The following SLC25A33 variants were observed in gnomAD, a reference collection of about 807,000 sequenced individuals.
SLC25A33 encodes solute carrier family 25 member 33, also known as bone marrow stromal cell mitochondrial carrier protein.
In SLC25A33, 15 loss-of-function variants were observed where a neutral mutation model predicts 35.5. That is an observed-to-expected ratio of 0.42 (90% confidence interval 0.28 to 0.65). The LOEUF (loss-of-function observed/expected upper bound fraction) is 0.65. SLC25A33 is among the 30% of genes least tolerant of loss of function. The probability of loss-of-function intolerance (pLI) is 0.20; values close to 1 mark genes in which losing one functional copy is unlikely to be tolerated. For synonymous variants in SLC25A33, 136 were observed against 148.7 expected (o/e 0.91, Z 0.62); for missense variants, 257 against 398.5 (o/e 0.64, Z 3.02).
intron 1 of SLC25A33, among the ~76,000 whole-genome samples, chr1:9,552,451 C>T (rs963440972): frequency 3.3e-5 from 5 of 151,910 alleles, no homozygotes; most frequent in African/African-American, 9.7e-5. Context: ...AGGCTGGTCT[C>T]GAACTCCTGG....
chr1:9,560,939 T>G (rs1643414876), intron 2 of SLC25A33, among the ~76,000 whole-genome samples: 2 of 151,758 alleles, frequency 1.3e-5, no homozygotes, highest in Non-Finnish European at 2.9e-5. Context: ...TTTAAACTGC[T>G]GAGACACATT....
chr1:9,565,947 A>ATAC (rs1643496664), intron 2 of SLC25A33, among the ~76,000 whole-genome samples: 1 of 152,014 alleles, frequency 6.6e-6, no homozygotes, highest in African/African-American at 2.4e-5. Context: ...TGGACTTGAG[A>ATAC]TACTAGGCTT....
intron 2 of SLC25A33, among the ~76,000 whole-genome samples, chr1:9,558,820 T>A (rs954369541): frequency 1.3e-5 from 2 of 152,218 alleles, no homozygotes; most frequent in African/African-American, 4.8e-5. Context: ...CTTGCTGCCC[T>A]CTACCCTCAG....
intron 5 of SLC25A33, among the ~76,000 whole-genome samples, chr1:9,574,649 G>A (rs1215744535): frequency 6.6e-6 from 1 of 152,158 alleles, no homozygotes; most frequent in Non-Finnish European, 1.5e-5. Flanking sequence ...CAAGCTAATG[G>A]AACCCGGTGT....
chr1:9,564,765 T>TATATACAC lies in SLC25A33; in HGVS notation c.237-2518_237-2517insTATACACA, dbSNP rs59741987. Among the ~76,000 whole-genome samples, 958 of 114,676 alleles carry TATATACAC rather than the reference T, an allele frequency of 8.4e-3. 14 individuals are homozygous for TATATACAC. Among genetic ancestry groups the TATATACAC allele is most frequent in the African/African-American group, 0.028 (902 of 32,124 alleles). 75.2% of individuals were successfully genotyped at this position (114,676 alleles called of 152,430 possible). A position where few individuals can be genotyped will look rare whatever the true frequency, so the allele number is the denominator to read the frequency against. ...ATATATATATATATATATATATATATACACAAAAATTAGCTGAGCGTGGTG... is the reference window on the plus strand; with the variant it reads ...ATATATATATATATATATATATATATATATACACACACAAAAATTAGCTGAGCGTGGTG... On this transcript the variant is annotated intron_variant, in intron 2 of 6. Transcript: ENST00000302692.
intron 1 of SLC25A33, among the ~76,000 whole-genome samples, chr1:9,547,496 G>C (rs917906528): frequency 1.3e-5 from 2 of 152,094 alleles, no homozygotes; most frequent in East Asian, 3.9e-4. Context: ...GACAGAGGAA[G>C]AGAGGGATGG....
intron 5 of SLC25A33, chr1:9,576,423 G>T: frequency 1.0e-4 from 38 of 369,820 alleles, no homozygotes; most frequent in Admixed American, 2.7e-4. Flanking sequence ...TGTCTACTGT[G>T]AAAATGAAGA....
In SLC25A33 at chr1:9,553,602, G is replaced by C. The variant is rs778560523; in HGVS notation, c.57-24G>C. 3.1e-6 allele frequency: 5 copies of C among 1,611,836 alleles called. No individual in the cohort carries two copies. The African/African-American group carries it at 5.3e-5, about 17-fold the overall frequency. On this transcript the variant is annotated intron_variant, in intron 1 of 6. Transcript: ENST00000302692. Reference sequence around the variant, plus strand: ...GTGTAGGGAATAGTATAGCTTCTCTGATCTGCTTTGGTTTCCCTTACAGGT... The same window carrying C: ...GTGTAGGGAATAGTATAGCTTCTCTCATCTGCTTTGGTTTCCCTTACAGGT...
At chr1:9,576,889 C>T (rs1476044592) in intron 5 of SLC25A33, 5 of 1,292,868 alleles carry the variant, frequency 3.9e-6, no homozygotes, top group Admixed American at 1.7e-5. Flanking sequence ...ATTCAGTTGC[C>T]TTGATTCAGC....
At chr1:9,566,618 G>A (rs890331678) in intron 2 of SLC25A33, among the ~76,000 whole-genome samples, 2 of 151,854 alleles carry the variant, frequency 1.3e-5, no homozygotes, top group East Asian at 1.9e-4. Flanking sequence ...AGGCTGAGGC[G>A]GGCAGATCAC....
chr1:9,556,886 C>A lies in SLC25A33; in HGVS notation c.236+3081C>A, dbSNP rs1643352107. ...CCGGCTTCATTGGTTAATACAGCCA[C>A]AGCTACACAATAATGAGCCATCACT... is the stretch of plus-strand genomic sequence containing the variant. On this transcript the variant is annotated intron_variant, in intron 2 of 6. Coordinates refer to ENST00000302692, the MANE Select transcript of SLC25A33 (RefSeq NM_032315.3). Among the ~76,000 whole-genome samples the A allele has an allele frequency of 2.0e-5, 3 of 152,224 alleles. No individual in the cohort carries two copies. The South Asian group carries it at 6.2e-4, about 31-fold the overall frequency.
At chr1:9,550,786 C>T (rs1185876852) in intron 1 of SLC25A33, among the ~76,000 whole-genome samples, 7 of 151,982 alleles carry the variant, frequency 4.6e-5, no homozygotes, top group East Asian at 2.0e-4. Flanking sequence ...CATCCTCCCA[C>T]GTCAGCCTCT....
chr1:9,557,783 G>T (rs1217717433), intron 2 of SLC25A33, among the ~76,000 whole-genome samples: 3 of 152,090 alleles, frequency 2.0e-5, no homozygotes, highest in African/African-American at 7.2e-5. Context: ...CACACATTTA[G>T]CACTTTTAGG....
intron 2 of SLC25A33, among the ~76,000 whole-genome samples, chr1:9,554,191 C>G (rs1358481399): frequency 6.6e-6 from 1 of 152,078 alleles, no homozygotes; most frequent in African/African-American, 2.4e-5. Flanking sequence ...TATTTATTTA[C>G]TTTTTTTGAG....
intron 2 of SLC25A33, among the ~76,000 whole-genome samples, chr1:9,560,848 A>G (rs1643413724): frequency 6.6e-6 from 1 of 151,996 alleles, no homozygotes; most frequent in Non-Finnish European, 1.5e-5. Flanking sequence ...AGAGTAATAA[A>G]TAGTATATGT....
intron 5 of SLC25A33, chr1:9,577,016 C>T: frequency 1.1e-6 from 1 of 924,364 alleles, no homozygotes; most frequent in South Asian, 1.3e-5. Context: ...ACAGAAACAA[C>T]ATGCTGGATG....
rs1227920205 is a variant in SLC25A33, at chr1:9,553,819, T to G, written c.236+14T>G. On this transcript the variant is annotated intron_variant, in intron 2 of 6. Transcript: ENST00000302692. Reference sequence around the variant, plus strand: ...TCAGGTTCTGAAGTAAGTTCAGTCTTGTCTGCTCCTGCCACCTGCACACCC... The same window carrying G: ...TCAGGTTCTGAAGTAAGTTCAGTCTGGTCTGCTCCTGCCACCTGCACACCC... The G allele has an allele frequency of 1.2e-6, 2 of 1,605,746 alleles. No individual in the cohort carries two copies.
At chr1:9,540,866 C>A (rs1457049955) in intron 1 of SLC25A33, among the ~76,000 whole-genome samples, 1 of 152,164 alleles carries the variant, frequency 6.6e-6, no homozygotes, top group Non-Finnish European at 1.5e-5. Flanking sequence ...TGGGCAGTCA[C>A]CAGGTTACTT....
At chr1:9,563,076 G>A (rs547372893) in intron 2 of SLC25A33, among the ~76,000 whole-genome samples, 3 of 151,700 alleles carry the variant, frequency 2.0e-5, no homozygotes, top group South Asian at 2.1e-4. Flanking sequence ...CCACTACCAC[G>A]CCTGGCTAGT....
Sources: gnomAD v4.1 joint callset for allele counts (sites outside exome capture counted in the v4.1 genomes callset) on GRCh38, gnomAD v4.1.1 for gene constraint, MANE v1.5 for transcripts, NCBI Gene and HGNC (gene_info 2026-07-23, HGNC 2026-07-21) for gene names.